Variants in HDAC9 observed in about 807,000 individuals in gnomAD.
HDAC9 encodes the protein histone deacetylase 9, also known as MEF-2 interacting transcription repressor (MITR) protein.
Under a neutral mutation model 139.4 loss-of-function variants are expected in HDAC9, and 41 were observed. The observed-to-expected ratio is 0.29, with a 90% CI of 0.23 to 0.38. The LOEUF is 0.38. Among genes scored for constraint, HDAC9 ranks in the 10% least tolerant of loss-of-function variants. The pLI is 1.00. For synonymous variants in HDAC9, 517 were observed against 476.2 expected, an observed-to-expected ratio of 1.09 and a Z score of -1.12; for missense variants, 1,147 against 1,297.0, an observed-to-expected ratio of 0.88 and a Z score of 1.78.
At chr7:18,789,242 G>A (rs902032727) in intron 16 of HDAC9, among the ~76,000 whole-genome samples, 4 of 150,320 alleles carry the variant, frequency 2.7e-5, no homozygotes, top group African/African-American at 7.4e-5. Flanking sequence ...CTCCCTTTCA[G>A]CTCATGTACT....
At chr7:18,959,445 T>C (rs1783378358) in intron 24 of HDAC9, among the ~76,000 whole-genome samples, 1 of 151,818 alleles carries the variant, frequency 6.6e-6, no homozygotes, top group South Asian at 2.1e-4. Flanking sequence ...CCATAGCATC[T>C]TTTGTTTTGT....
chr7:18,822,794 C>A (rs1795086319), intron 17 of HDAC9, among the ~76,000 whole-genome samples: 1 of 152,124 alleles, frequency 6.6e-6, no homozygotes, highest in African/African-American at 2.4e-5. Context: ...TAGGCAAGTT[C>A]TTTCATCTTT....
chr7:18,834,052 C>T (rs1796050146), intron 19 of HDAC9, among the ~76,000 whole-genome samples: 1 of 152,172 alleles, frequency 6.6e-6, no homozygotes, highest in Non-Finnish European at 1.5e-5. Context: ...ATTCAAGACC[C>T]AGTCTTGCAA....
intron 12 of HDAC9, among the ~76,000 whole-genome samples, chr7:18,700,218 A>G (rs1346893992): frequency 6.6e-6 from 1 of 152,210 alleles, no homozygotes; most frequent in Non-Finnish European, 1.5e-5. Context: ...TTCAACAATC[A>G]TATGTTTGTG....
chr7:18,183,814 A>G (rs1230472082), intron 2 of HDAC9, among the ~76,000 whole-genome samples: 1 of 152,178 alleles, frequency 6.6e-6, no homozygotes, highest in Non-Finnish European at 1.5e-5. Flanking sequence ...CTAAGGTATT[A>G]AAGTAACAAT....
chr7:18,137,404 C>T (rs1785507119), intron 1 of HDAC9, among the ~76,000 whole-genome samples: 1 of 150,606 alleles, frequency 6.6e-6, no homozygotes, highest in African/African-American at 2.5e-5. Flanking sequence ...GGAATGCTTC[C>T]AGTTTTTGCC....
At chr7:18,327,508 A>G (rs1800551915) in intron 1 of HDAC9, 2 of 151,900 alleles carry the variant, frequency 1.3e-5, no homozygotes. Context: ...ATATTACACT[A>G]ATTAAACGGT....
chr7:18,773,991 G>GT (rs79266859), intron 16 of HDAC9, among the ~76,000 whole-genome samples: 35,084 of 150,608 alleles, frequency 0.23, 4,704 homozygotes, highest in East Asian at 0.61. Context: ...GAGAACAACA[G>GT]TTTTTTTTTC....
intron 1 of HDAC9, among the ~76,000 whole-genome samples, chr7:18,399,466 C>A (rs748695376): frequency 6.6e-6 from 1 of 152,082 alleles, no homozygotes; most frequent in Non-Finnish European, 1.5e-5. Flanking sequence ...TTTTAAAATT[C>A]GGACACAAAT....
At chr7:18,183,649 A>C (rs1789680750) in intron 2 of HDAC9, among the ~76,000 whole-genome samples, 1 of 152,040 alleles carries the variant, frequency 6.6e-6, no homozygotes, top group Non-Finnish European at 1.5e-5. Context: ...CTTTAATTTA[A>C]ATTTTTCATT....
At chr7:18,319,013 A>T (rs1242429468) in intron 1 of HDAC9, among the ~76,000 whole-genome samples, 1 of 152,108 alleles carries the variant, frequency 6.6e-6, no homozygotes, top group Non-Finnish European at 1.5e-5. Flanking sequence ...TTTCCGGGGG[A>T]TTCCTCTGTA....
chr7:18,973,044 A>C (rs1242201659), intron 24 of HDAC9, among the ~76,000 whole-genome samples: 1 of 152,224 alleles, frequency 6.6e-6, no homozygotes, highest in East Asian at 1.9e-4. Context: ...GTGCAGAGGA[A>C]GAGGCAATTT....
In HDAC9 at chr7:18,582,730, T is replaced by A. The variant is rs551085739; in HGVS notation, c.23-2551T>A. Among the ~76,000 whole-genome samples, 10 of 152,312 alleles carry A rather than the reference T, an allele frequency of 6.6e-5. No individual in the cohort carries two copies. In the South Asian group the frequency reaches 2.1e-3, roughly 32 times the overall value. The stretch of plus-strand genomic sequence containing the variant: ...ATAATACGACATTGAACTGTTTTTT[T>A]CCCTATTCAGTATTGTCTCCTGGAG... On this transcript the variant is annotated intron_variant, in intron 2 of 25. Transcript: ENST00000686413.
At position 18,330,100 on chromosome 7, in the gene HDAC9, G is replaced by C. The variant is rs1487219190; in HGVS notation, c.-42+39585G>C. On this transcript the variant is annotated intron_variant, in intron 1 of 3. Coordinates refer to the HDAC9 transcript ENST00000413509. ...AATTTTCTGATTATATTATTTTGCA[G>C]ATGTTCTAGTTATACTTATCAATCT... Among the ~76,000 whole-genome samples, 5 of 151,546 alleles carry C rather than the reference G, an allele frequency of 3.3e-5. No individual in the cohort carries two copies. The East Asian group carries it at 9.7e-4, about 29-fold the overall frequency.
intron 12 of HDAC9, among the ~76,000 whole-genome samples, chr7:18,698,813 C>T (rs1424386993): frequency 6.6e-6 from 1 of 152,092 alleles, no homozygotes; most frequent in African/African-American, 2.4e-5. Flanking sequence ...TTTTCTTTTA[C>T]AATATTAATT....
At chr7:18,461,448 A>G (rs1190594268) in intron 1 of HDAC9, among the ~76,000 whole-genome samples, 2 of 152,200 alleles carry the variant, frequency 1.3e-5, no homozygotes, top group Non-Finnish European at 1.5e-5. Context: ...ATGCTTAAAA[A>G]GTTTTGGTCA....
intron 1 of HDAC9, among the ~76,000 whole-genome samples, chr7:18,305,222 C>A (rs1798829024): frequency 6.6e-6 from 1 of 152,068 alleles, no homozygotes; most frequent in African/African-American, 2.4e-5. Flanking sequence ...GTATCTTTTT[C>A]CATCTTCACT....
chr7:18,411,816 G>GTTTTTT lies in HDAC9; in HGVS notation c.-41-84446_-41-84445insTTTTTT, dbSNP rs1280818174. On this transcript the variant is annotated intron_variant, in intron 1 of 3. Coordinates refer to the HDAC9 transcript ENST00000413509. Reference sequence around the variant, plus strand: ...GGTGTACTAAATGTAATTTCAACTTGCTTTTTTTTTTTTTTTTTTTTTTTT... The same window carrying GTTTTTT: ...GGTGTACTAAATGTAATTTCAACTTGTTTTTTCTTTTTTTTTTTTTTTTTTTTTTTT... Among the ~76,000 whole-genome samples, 35 of 89,440 alleles carry GTTTTTT rather than the reference G, an allele frequency of 3.9e-4. 2 individuals carry two copies. Among genetic ancestry groups the GTTTTTT allele is most frequent in the Admixed American group, 2.5e-3 (18 of 7,068 alleles). The allele number at this position is 89,440 out of a possible 152,430, so 58.7% of individuals were successfully genotyped here.
intron 22 of HDAC9, among the ~76,000 whole-genome samples, chr7:18,902,668 A>C (rs2129282114): frequency 6.6e-6 from 1 of 152,356 alleles, no homozygotes; most frequent in Non-Finnish European, 1.5e-5. Flanking sequence ...AAATAAATAA[A>C]AATATGCTTA....
Sources: allele counts gnomAD v4.1 joint callset (sites outside exome capture counted in the v4.1 genomes callset), GRCh38; gene constraint gnomAD v4.1.1; transcripts MANE v1.5; gene names NCBI Gene and HGNC (gene_info 2026-07-23, HGNC 2026-07-21).